Variants in SLC7A11 observed in about 807,000 individuals in gnomAD.
SLC7A11 encodes the protein solute carrier family 7 member 11, also known as cystine/glutamate transporter.
In SLC7A11, 35 loss-of-function variants were observed where a neutral mutation model predicts 54.5. The observed-to-expected ratio is 0.64, with a 90% CI of 0.49 to 0.85. SLC7A11 has a LOEUF of 0.85. Ranked by LOEUF, SLC7A11 falls within the 40% of genes least tolerant of loss-of-function variation. SLC7A11 has a pLI of 0.00. For missense variants in SLC7A11, 583 were observed against 618.1 expected, an observed-to-expected ratio of 0.94 and a Z score of 0.60; for synonymous variants, 230 against 225.2, an observed-to-expected ratio of 1.02 and a Z score of -0.19.
chr4:138,180,690 C>G lies in SLC7A11; in HGVS notation c.1217G>C (p.Gly406Ala). 6.2e-7 allele frequency: 1 copy of G among 1,612,870 alleles called. No homozygotes were observed. Among genetic ancestry groups the G allele is most frequent in the Non-Finnish European group, 8.5e-7 (1 of 1,179,408 alleles). ...GCATTTGTATCGAAGATAAATCAGC[C>G]CAGCAACTGCCAGCCCAATAAAAAG... is the stretch of plus-strand genomic sequence containing the variant. ...RWLFIGLAVAGLIYLRYKCPD... is the reference protein window; with the variant it reads ...RWLFIGLAVAALIYLRYKCPD... Residue 406 changes from glycine (G) to alanine (A), a missense_variant, in exon 10 of 12, where the codon GGG (glycine) becomes GCG (alanine). Coordinates refer to ENST00000280612, the MANE Select transcript of SLC7A11 (RefSeq NM_014331.4).
intron 10 of SLC7A11, among the ~76,000 whole-genome samples, chr4:138,180,416 A>T (rs917979504): frequency 3.3e-5 from 5 of 152,122 alleles, no homozygotes; most frequent in African/African-American, 1.2e-4. Flanking sequence ...ATTTTTCAAA[A>T]ATTTGACATA....
chr4:138,242,071 G>T lies in SLC7A11; in HGVS notation c.-2C>A. 1 of 1,613,666 alleles carries T rather than the reference G, an allele frequency of 6.2e-7. No individual in the cohort carries two copies. The highest frequency in any genetic ancestry group is 8.5e-7 in the Non-Finnish European group (1 of 1,179,690). ...GGACACAACAGGCTTTCTGACCATA[G>T]TAGGGACACACGGGGGAAAAATAAA... On this transcript the variant is annotated 5_prime_UTR_variant, in exon 1 of 12. Transcript: ENST00000280612.
intron 6 of SLC7A11, among the ~76,000 whole-genome samples, chr4:138,209,323 T>C (rs2148434828): frequency 6.6e-6 from 1 of 152,124 alleles, no homozygotes; most frequent in Middle Eastern, 3.4e-3. Flanking sequence ...TATCCATGAC[T>C]GATTGGGAAA....
At chr4:138,177,003 A>C (rs909330306) in intron 11 of SLC7A11, 3 of 152,166 alleles carry the variant, frequency 2.0e-5, no homozygotes, top group Admixed American at 2.0e-4. Flanking sequence ...TGCCTGTGTC[A>C]GCCATAAAGC....
intron 1 of SLC7A11, among the ~76,000 whole-genome samples, chr4:138,239,997 T>G (rs1738338599): frequency 6.6e-6 from 1 of 152,210 alleles, no homozygotes; most frequent in Non-Finnish European, 1.5e-5. Context: ...GTTTCTCTTT[T>G]TCTATAAGTG....
intron 6 of SLC7A11, among the ~76,000 whole-genome samples, chr4:138,188,251 C>G (rs1447592806): frequency 1.3e-5 from 2 of 152,036 alleles, no homozygotes; most frequent in Admixed American, 6.6e-5. Flanking sequence ...TTATTAGAGA[C>G]AGGGTTTCAC....
intron 7 of SLC7A11, 139 bp downstream of exon 7, chr4:138,184,981 AT>A (rs1560720357): frequency 1.1e-6 from 1 of 879,432 alleles, no homozygotes. Context: ...TATGCTCTAA[AT>A]TTTTTAAATA....
intron 3 of SLC7A11, among the ~76,000 whole-genome samples, chr4:138,229,835 G>T (rs1738031472): frequency 1.3e-5 from 2 of 152,116 alleles, no homozygotes; most frequent in Non-Finnish European, 2.9e-5. Flanking sequence ...ATGTTTACAT[G>T]CAATCTACTT....
Position 138,242,307 on chromosome 4 carries a change from C to A in SLC7A11, c.-238G>T. 2 of 556,386 alleles carry A rather than the reference C, an allele frequency of 3.6e-6. No individual in the cohort carries two copies. Among genetic ancestry groups the A allele is most frequent in the Non-Finnish European group, 3.2e-6 (1 of 312,012 alleles). The allele number at this position is 556,386 out of a possible 1,614,324, so 34.5% of individuals were successfully genotyped here. Reference sequence around the variant, plus strand: ...TCAATTCTCCACCTCCTCGTTCCACCACTGCTGCTGCTGCTGCTGCTGCCG... The same window carrying A: ...TCAATTCTCCACCTCCTCGTTCCACAACTGCTGCTGCTGCTGCTGCTGCCG... On this transcript the variant is annotated 5_prime_UTR_variant, in exon 1 of 12. Transcript: ENST00000280612.
intron 1 of SLC7A11, among the ~76,000 whole-genome samples, chr4:138,239,726 G>A (rs1202191143): frequency 3.3e-5 from 5 of 152,008 alleles, no homozygotes; most frequent in African/African-American, 9.7e-5. Context: ...TTATGCATAA[G>A]CATATTTTCA....
intron 6 of SLC7A11, among the ~76,000 whole-genome samples, chr4:138,191,011 A>G (rs1736998481): frequency 6.6e-6 from 1 of 152,184 alleles, no homozygotes; most frequent in African/African-American, 2.4e-5. Context: ...TTGGCTATTA[A>G]AAACATTATA....
chr4:138,197,310 C>T (rs1434590963), intron 6 of SLC7A11, among the ~76,000 whole-genome samples: 4 of 151,752 alleles, frequency 2.6e-5, no homozygotes, highest in Non-Finnish European at 4.4e-5. Flanking sequence ...TTGGCATTTG[C>T]TATGTTGTTA....
At chr4:138,210,871 T>C (rs1737529160) in intron 6 of SLC7A11, among the ~76,000 whole-genome samples, 1 of 152,128 alleles carries the variant, frequency 6.6e-6, no homozygotes, top group South Asian at 2.1e-4. Flanking sequence ...GAACTACTAT[T>C]TGACTCAGCA....
chr4:138,189,705 G>A (rs56061714), intron 6 of SLC7A11, among the ~76,000 whole-genome samples: 19,663 of 152,154 alleles, frequency 0.13, 1,362 homozygotes, highest in African/African-American at 0.17. Flanking sequence ...CACACCACAA[G>A]TAAACTTGCA....
chr4:138,184,826 T>C (rs1736836434), intron 7 of SLC7A11, among the ~76,000 whole-genome samples: 1 of 152,104 alleles, frequency 6.6e-6, no homozygotes, highest in South Asian at 2.1e-4. Flanking sequence ...TCAATAACTG[T>C]CCACCTATCT....
intron 6 of SLC7A11, among the ~76,000 whole-genome samples, chr4:138,194,684 G>A (rs2148422347): frequency 6.6e-6 from 1 of 152,134 alleles, no homozygotes; most frequent in African/African-American, 2.4e-5. Flanking sequence ...TTCTGTCTCT[G>A]ATATTTGTAT....
At chr4:138,206,937 C>T (rs1343492270) in intron 6 of SLC7A11, among the ~76,000 whole-genome samples, 1 of 138,526 alleles carries the variant, frequency 7.2e-6, no homozygotes, top group Non-Finnish European at 1.5e-5. Flanking sequence ...TCTATTTCTA[C>T]TGTGAAACAT....
chr4:138,186,550 T>C (rs988221966), intron 6 of SLC7A11, among the ~76,000 whole-genome samples: 2 of 152,118 alleles, frequency 1.3e-5, no homozygotes, highest in Admixed American at 6.6e-5. Flanking sequence ...AGGAAACACA[T>C]TGACCTCTAA....
intron 2 of SLC7A11, among the ~76,000 whole-genome samples, chr4:138,233,651 T>G: frequency 6.6e-6 from 1 of 152,214 alleles, no homozygotes; most frequent in South Asian, 2.1e-4. Context: ...TTTCATTTTC[T>G]TCTTTTCCTA....
Sources: allele counts gnomAD v4.1 joint callset (sites outside exome capture counted in the v4.1 genomes callset), GRCh38; gene constraint gnomAD v4.1.1; transcripts MANE v1.5; gene names NCBI Gene and HGNC (gene_info 2026-07-23, HGNC 2026-07-21).